The following ERCC6 variants were observed in gnomAD, a reference collection of about 807,000 sequenced individuals.
The protein encoded by ERCC6 is DNA excision repair protein ERCC-6.
In ERCC6, 116 loss-of-function variants were observed where a neutral mutation model predicts 158.7. That is an observed-to-expected ratio of 0.73 (90% CI 0.63 to 0.85). The LOEUF is 0.85. ERCC6 is among the 40% of genes least tolerant of loss of function. The pLI is 0.00. For missense variants in ERCC6, 1,698 were observed against 1,799.4 expected (o/e 0.94, Z 1.02); for synonymous variants, 678 against 659.3 (o/e 1.03, Z -0.43).
the ERCC6 span, among the ~76,000 whole-genome samples, chr10:49,440,455 C>T: frequency 2.6e-4 from 40 of 152,224 alleles, no homozygotes; most frequent in African/African-American, 9.4e-4. Flanking sequence ...CTGGGATCTA[C>T]AATTCAAGTT....
chr10:49,527,501 C>G (rs560420054), intron 4 of ERCC6, among the ~76,000 whole-genome samples: 12 of 152,170 alleles, frequency 7.9e-5, no homozygotes, highest in African/African-American at 2.7e-4. Flanking sequence ...ATGGTGAAAC[C>G]CTGTTTCTAC....
intron 5 of ERCC6, among the ~76,000 whole-genome samples, chr10:49,521,997 A>C (rs1157100404): frequency 6.6e-6 from 1 of 152,198 alleles, no homozygotes; most frequent in Admixed American, 6.5e-5. Context: ...CACTTCCTAG[A>C]GTTGAAAAGA....
At chr10:49,473,347 T>C in intron 14 of ERCC6, 130 bp downstream of exon 14, 1 of 787,420 alleles carries the variant, frequency 1.3e-6, no homozygotes, top group Admixed American at 1.8e-5. Flanking sequence ...AAACAACAAG[T>C]CTCCCCTTAG....
chr10:49,487,954 G>A (rs2132557870), intron 8 of ERCC6, among the ~76,000 whole-genome samples: 1 of 152,290 alleles, frequency 6.6e-6, no homozygotes, highest in East Asian at 1.9e-4. Flanking sequence ...AAGACTATTT[G>A]TTATCACCTG....
intron 4 of ERCC6, chr10:49,525,210 C>T: frequency 4.9e-6 from 1 of 203,620 alleles, no homozygotes; most frequent in Non-Finnish European, 1.0e-5. Context: ...AAACCAAAAA[C>T]AGGGATCACC....
intron 11 of ERCC6, among the ~76,000 whole-genome samples, chr10:49,476,936 C>T (rs1052172608): frequency 6.6e-6 from 1 of 152,158 alleles, no homozygotes; most frequent in African/African-American, 2.4e-5. Context: ...TGCATCTTCC[C>T]TGTAAACATC....
chr10:49,516,875 G>C, intron 5 of ERCC6: 1 of 1,614,112 alleles, frequency 6.2e-7, no homozygotes, highest in Non-Finnish European at 8.5e-7. Flanking sequence ...CTTTAGGTGC[G>C]TATGAGGGAT....
intron 4 of ERCC6, among the ~76,000 whole-genome samples, chr10:49,526,228 C>T (rs1837337412): frequency 6.8e-6 from 1 of 148,120 alleles, no homozygotes; most frequent in Non-Finnish European, 1.5e-5. Flanking sequence ...AAGTCCCCAT[C>T]AACTGTGTCA....
chr10:49,482,895 A>T (rs756554187), intron 9 of ERCC6, 32 bp from the exon 10 acceptor site: 2 of 1,613,110 alleles, frequency 1.2e-6, no homozygotes, highest in African/African-American at 2.7e-5. Flanking sequence ...CTTTTTATTA[A>T]ATTTACCTTT....
chr10:49,537,116 C>T (rs546864621), intron 1 of ERCC6, among the ~76,000 whole-genome samples: 86 of 152,108 alleles, frequency 5.7e-4, no homozygotes, highest in South Asian at 1.0e-3. Context: ...GAGGCCGAGG[C>T]GGGAGGATCA....
chr10:49,475,429 T>C (rs1805188922), intron 12 of ERCC6: 1 of 451,252 alleles, frequency 2.2e-6, no homozygotes, highest in Non-Finnish European at 4.5e-6. Context: ...CCCCCTAACT[T>C]GGAAAGACCT....
rs1382426722 is a variant in ERCC6 at position 49,461,547 on chromosome 10, T to C, written c.3788A>G (p.His1263Arg). The C allele has an allele frequency of 1.2e-6, 2 of 1,613,622 alleles. No homozygotes were observed. Among genetic ancestry groups the C allele is most frequent in the Non-Finnish European group, 1.7e-6 (2 of 1,179,806 alleles). The change falls in exon 19 of 21, where the codon CAC (histidine) becomes CGC (arginine). Residue 1263 changes from histidine (H) to arginine (R), a missense_variant. Transcript: ENST00000355832. Reference sequence around the variant, plus strand: ...GATGGCATCGTGCTTCATGACACTGTGCACGCCAACTAGCAAGAAAAGAAA... The same window carrying C: ...GATGGCATCGTGCTTCATGACACTGCGCACGCCAACTAGCAAGAAAAGAAA... ...EKLFKKSVGV[H>R]SVMKHDAIMD...
Position 49,474,015 on chromosome 10 carries a change from CTG to C in ERCC6, c.2598+10_2598+11del. 1 of 1,612,738 alleles carries C rather than the reference CTG, an allele frequency of 6.2e-7. No homozygotes were observed. Among genetic ancestry groups the C allele is most frequent in the Non-Finnish European group, 8.5e-7 (1 of 1,179,078 alleles). On this transcript the variant is annotated intron_variant, in intron 13 of 20. Transcript: ENST00000355832. ...AACCAGCCTGTTTCCCGTCTGAAGTCTGTGCACTCACCTGCCTTGACTGAGAA... is the reference window on the plus strand; with the variant it reads ...AACCAGCCTGTTTCCCGTCTGAAGTCTGCACTCACCTGCCTTGACTGAGAA...
Position 49,461,406 on chromosome 10 carries a change from C to G in ERCC6, c.3929G>C (p.Gly1310Ala). 1.9e-6 allele frequency: 3 copies of G among 1,614,080 alleles called. No individual in the cohort carries two copies. The highest frequency in any genetic ancestry group is 2.5e-6 in the Non-Finnish European group (3 of 1,180,034). ...SRQRCLGAVSGVPTWTGHRGI... is the reference protein window; with the variant it reads ...SRQRCLGAVSAVPTWTGHRGI... Reference sequence around the variant, plus strand: ...CCTGTGGCCAGTCCAGGTGGGAACACCAGACACTGCTCCCAGACACCGCTG... The same window carrying G: ...CCTGTGGCCAGTCCAGGTGGGAACAGCAGACACTGCTCCCAGACACCGCTG... Residue 1310 changes from glycine (G) to alanine (A), a missense_variant, in exon 19 of 21, where the codon GGT becomes GCT. Gly to Ala is a moderately conservative substitution (Grantham distance 60). Coordinates refer to ENST00000355832, the MANE Select transcript of ERCC6 (RefSeq NM_000124.4).
At chr10:49,487,939 C>T (rs1164121492) in intron 8 of ERCC6, among the ~76,000 whole-genome samples, 1 of 152,170 alleles carries the variant, frequency 6.6e-6, no homozygotes, top group Non-Finnish European at 1.5e-5. Context: ...GGCAAAACCC[C>T]ATCTAAGACT....
At chr10:49,516,648 T>C (rs1483791170) in intron 5 of ERCC6, 1 of 1,614,096 alleles carries the variant, frequency 6.2e-7, no homozygotes, top group East Asian at 2.2e-5. Flanking sequence ...GACAATGAGT[T>C]CAATGACCTC....
At chr10:49,436,565 A>G in the ERCC6 span, among the ~76,000 whole-genome samples, 3 of 152,250 alleles carry the variant, frequency 2.0e-5, no homozygotes, top group African/African-American at 7.2e-5. Flanking sequence ...AAACCATTAG[A>G]CATAAAGAAA....
intron 8 of ERCC6, among the ~76,000 whole-genome samples, chr10:49,485,131 C>G (rs1331072569): frequency 6.6e-6 from 1 of 152,182 alleles, no homozygotes. Flanking sequence ...GAAGGAAAGA[C>G]AGCAATGCTC....
intron 4 of ERCC6, among the ~76,000 whole-genome samples, chr10:49,526,117 T>A (rs7923460): frequency 0.051 from 2,085 of 40,574 alleles, 100 homozygotes; most frequent in Non-Finnish European, 0.075. Context: ...TTATATATTT[T>A]TATATATATA....
Sources: allele counts gnomAD v4.1 joint callset (sites outside exome capture counted in the v4.1 genomes callset), GRCh38; gene constraint gnomAD v4.1.1; transcripts MANE v1.5; gene names NCBI Gene and HGNC (gene_info 2026-07-23, HGNC 2026-07-21).